Variants in CIB4 observed in about 807,000 individuals in gnomAD.
CIB4 encodes the protein calcium and integrin-binding family member 4.
Under a neutral mutation model 25.8 loss-of-function variants are expected in CIB4, and 25 were observed. That is an observed-to-expected ratio of 0.97 (90% CI 0.71 to 1.35). The LOEUF (loss-of-function observed/expected upper bound fraction) is 1.35. CIB4 is among the 40% of genes most tolerant of loss of function. The pLI is 0.00. For synonymous variants in CIB4, 75 were observed against 81.4 expected, an observed-to-expected ratio of 0.92 and a Z score of 0.42; for missense variants, 235 against 228.2, an observed-to-expected ratio of 1.03 and a Z score of -0.19.
At chr2:26,588,023 G>A (rs76968928) in intron 4 of CIB4, among the ~76,000 whole-genome samples, 2,818 of 152,316 alleles carry the variant, frequency 0.019, 94 homozygotes, top group African/African-American at 0.064. Context: ...CTGGCTGAAT[G>A]CTTGTCAGTG....
chr2:26,590,003 C>A (rs1262907032), intron 4 of CIB4, among the ~76,000 whole-genome samples: 3 of 152,132 alleles, frequency 2.0e-5, no homozygotes, highest in African/African-American at 7.2e-5. Context: ...GGAGCCTGGG[C>A]CCTCAGTAAC....
At chr2:26,623,602 C>A in intron 3 of CIB4, 1 of 471,020 alleles carries the variant, frequency 2.1e-6, no homozygotes, top group Non-Finnish European at 4.4e-6. Flanking sequence ...GCCATCCTGA[C>A]CATACCTCCC....
intron 2 of CIB4, among the ~76,000 whole-genome samples, chr2:26,629,958 G>A (rs1190703490): frequency 6.6e-6 from 1 of 152,156 alleles, no homozygotes; most frequent in African/African-American, 2.4e-5. Flanking sequence ...AAGAAAAGAG[G>A]TCACTTCGTG....
intron 4 of CIB4, 68 bp from the exon 5 acceptor site, chr2:26,583,966 T>C (rs1402188338): frequency 9.8e-7 from 1 of 1,019,440 alleles, no homozygotes. Context: ...ACTTGAGGAG[T>C]CCTGGGGGAC....
intron 2 of CIB4, among the ~76,000 whole-genome samples, chr2:26,638,643 G>A (rs1208731973): frequency 6.6e-6 from 1 of 152,140 alleles, no homozygotes; most frequent in Non-Finnish European, 1.5e-5. Flanking sequence ...GGACAACATT[G>A]TCTCACCCAT....
intron 3 of CIB4, among the ~76,000 whole-genome samples, chr2:26,601,229 AAAATAT>A (rs1169631677): frequency 0.012 from 297 of 25,360 alleles, 20 homozygotes; most frequent in African/African-American, 0.025. Flanking sequence ...AAAAAAAAAA[AAAATAT>A]ATATATATAT....
chr2:26,582,431 TCTATGAG>T (rs1168113218), intron 6 of CIB4, among the ~76,000 whole-genome samples: 1 of 152,172 alleles, frequency 6.6e-6, no homozygotes, highest in Non-Finnish European at 1.5e-5. Flanking sequence ...TTGTTTCTTT[TCTATGAG>T]CTCCACCACC....
chr2:26,636,585 T>C (rs932369357), intron 2 of CIB4, among the ~76,000 whole-genome samples: 4 of 152,210 alleles, frequency 2.6e-5, no homozygotes, highest in Non-Finnish European at 4.4e-5. Context: ...GCCTCTAGGT[T>C]GAAAGCCTTT....
chr2:26,601,602 TC>T (rs1425505750), intron 3 of CIB4, among the ~76,000 whole-genome samples: 6 of 151,930 alleles, frequency 3.9e-5, no homozygotes, highest in Admixed American at 6.6e-5. Flanking sequence ...CTTCATAATC[TC>T]GGGGGCAAAG....
In CIB4 at chr2:26,629,524, A is replaced by G; in HGVS notation, c.90-18T>C. 6.6e-7 allele frequency: 1 copy of G among 1,526,290 alleles called. No individual in the cohort carries two copies. Among genetic ancestry groups the G allele is most frequent in the Non-Finnish European group, 8.9e-7 (1 of 1,120,850 alleles). 94.5% of individuals were successfully genotyped at this position (1,526,290 alleles called of 1,614,324 possible). Reference sequence around the variant, plus strand: ...CATGGATGCTGAAAAGAGAGGCATGAAGACCGTGTGGCCGGGGAAAGGAGG... The same window carrying G: ...CATGGATGCTGAAAAGAGAGGCATGGAGACCGTGTGGCCGGGGAAAGGAGG... On this transcript the variant is annotated intron_variant, in intron 2 of 6. Coordinates refer to ENST00000288861, the MANE Select transcript of CIB4 (RefSeq NM_001029881.3).
intron 3 of CIB4, among the ~76,000 whole-genome samples, chr2:26,606,916 G>A (rs1572554620): frequency 6.6e-6 from 1 of 152,256 alleles, no homozygotes; most frequent in East Asian, 1.9e-4. Flanking sequence ...GATCGCTAAT[G>A]GAACAAATAG....
At chr2:26,610,917 A>G (rs1668985222) in intron 3 of CIB4, among the ~76,000 whole-genome samples, 1 of 151,886 alleles carries the variant, frequency 6.6e-6, no homozygotes, top group South Asian at 2.1e-4. Context: ...CTTCCCTGGA[A>G]TGTTTTCCAG....
At chr2:26,614,035 GC>G (rs1669046906) in intron 3 of CIB4, among the ~76,000 whole-genome samples, 1 of 151,284 alleles carries the variant, frequency 6.6e-6, no homozygotes, top group Non-Finnish European at 1.5e-5. Context: ...GCAGCAGCAG[GC>G]CCAGGGCCTG....
At position 26,622,346 on chromosome 2, in the gene CIB4, G is replaced by A. The variant is rs550726987; in HGVS notation, c.186+7064C>T. ...ACTGTACTCCAGCCTGGGCGACAAA[G>A]CAAGACTCCATCTCAAAAAATAATA... On this transcript the variant is annotated intron_variant, in intron 3 of 6. Coordinates refer to ENST00000288861, the MANE Select transcript of CIB4 (RefSeq NM_001029881.3). Among the ~76,000 whole-genome samples the A allele has an allele frequency of 1.2e-4, 18 of 152,170 alleles. No individual in the cohort carries two copies. The East Asian group carries it at 2.7e-3, about 23-fold the overall frequency.
chr2:26,585,823 C>T (rs1668440612), intron 4 of CIB4, among the ~76,000 whole-genome samples: 1 of 152,058 alleles, frequency 6.6e-6, no homozygotes, highest in African/African-American at 2.4e-5. Flanking sequence ...ACCCAATAGT[C>T]CCTCATATGC....
At chr2:26,601,231 A>AAAAAAAAAAAAAATAT (rs1395827334) in intron 3 of CIB4, among the ~76,000 whole-genome samples, 1 of 17,236 alleles carries the variant, frequency 5.8e-5, no homozygotes, top group African/African-American at 1.5e-4. Context: ...AAAAAAAAAA[A>AAAAAAAAAAAAAATAT]ATATATATAT....
chr2:26,610,036 C>T (rs757206320), intron 3 of CIB4, among the ~76,000 whole-genome samples: 5 of 152,134 alleles, frequency 3.3e-5, no homozygotes, highest in South Asian at 2.1e-4. Flanking sequence ...GGCTGGGTTC[C>T]GCTTGGAGTG....
At chr2:26,594,929 C>A (rs78113529) in intron 4 of CIB4, among the ~76,000 whole-genome samples, 2,884 of 152,192 alleles carry the variant, frequency 0.019, 100 homozygotes, top group African/African-American at 0.066. Flanking sequence ...CACACACTAC[C>A]AGCAAATATC....
chr2:26,630,313 T>G (rs922011002), intron 2 of CIB4, among the ~76,000 whole-genome samples: 1 of 152,116 alleles, frequency 6.6e-6, no homozygotes, highest in Admixed American at 6.5e-5. Context: ...GGCCTACAGG[T>G]CCAGCACCCA....
Sources: gnomAD v4.1 joint callset for allele counts (sites outside exome capture counted in the v4.1 genomes callset) on GRCh38, gnomAD v4.1.1 for gene constraint, MANE v1.5 for transcripts, NCBI Gene and HGNC (gene_info 2026-07-23, HGNC 2026-07-21) for gene names.